Variants in TGFBR3 observed in about 807,000 individuals in gnomAD.
The protein encoded by TGFBR3 is transforming growth factor beta receptor 3.
Under a neutral mutation model 87.9 loss-of-function variants are expected in TGFBR3, and 46 were observed. The ratio of observed to expected loss-of-function variants is 0.52; its 90% CI spans 0.41 to 0.67. TGFBR3 has a LOEUF of 0.67. Ranked by LOEUF, TGFBR3 falls within the 30% of genes least tolerant of loss-of-function variation. TGFBR3 has a pLI of 0.00. For missense variants in TGFBR3, 866 were observed against 1,041.9 expected (o/e 0.83, Z 2.32); for synonymous variants, 381 against 391.6 (o/e 0.97, Z 0.32).
In TGFBR3 at chr1:91,722,045, T is replaced by C; in HGVS notation, c.985A>G (p.Lys329Glu). The change falls in exon 8 of 17, where the codon AAG (lysine) becomes GAG (glutamate). Residue 329 changes from lysine to glutamate, a missense_variant. By Grantham distance (56) the Lys-to-Glu change is moderately conservative. Coordinates refer to ENST00000212355, the MANE Select transcript of TGFBR3 (RefSeq NM_003243.5). ...DIPSTQGNLV[K>E]WALDNGYSPI... is the part of the protein sequence containing the mutation. Reference sequence around the variant, plus strand: ...CTATAGCCATTGTCCAAAGCCCACTTCACCAGATTCCCTTGGGTTGAAGGA... The same window carrying C: ...CTATAGCCATTGTCCAAAGCCCACTCCACCAGATTCCCTTGGGTTGAAGGA... 6.2e-7 allele frequency: 1 copy of C among 1,613,960 alleles called. No homozygotes were observed. Among genetic ancestry groups the C allele is most frequent in the Non-Finnish European group, 8.5e-7 (1 of 1,179,914 alleles).
chr1:91,773,204 C>T (rs946847264), intron 3 of TGFBR3, among the ~76,000 whole-genome samples: 9 of 151,308 alleles, frequency 5.9e-5, no homozygotes, highest in African/African-American at 1.9e-4. Flanking sequence ...CATAGTGAAA[C>T]TTTGTCTCTA....
At chr1:91,748,093 A>T (rs538878557) in intron 4 of TGFBR3, among the ~76,000 whole-genome samples, 2 of 152,312 alleles carry the variant, frequency 1.3e-5, no homozygotes, top group East Asian at 3.9e-4. Flanking sequence ...TTGGGAAAAA[A>T]AGTTCTAAAG....
chr1:91,880,381 C>T (rs995967120), intron 1 of TGFBR3, among the ~76,000 whole-genome samples: 2 of 152,042 alleles, frequency 1.3e-5, no homozygotes, highest in East Asian at 1.9e-4. Flanking sequence ...CGGCGGATCA[C>T]GAGGTCAGGA....
Position 91,787,943 on chromosome 1 carries a change from G to GAAAAAAAAAAAAA in TGFBR3, c.246+9331_246+9343dup, listed in dbSNP as rs111981257. ...ACAGAGCCAGACCCTGTCTCACGGG[G>GAAAAAAAAAAAAA]AAAAAAAAAAAAACCCCAAGAAGAA... is the stretch of plus-strand genomic sequence containing the variant. On this transcript the variant is annotated intron_variant, in intron 3 of 16. Transcript: ENST00000212355. Among the ~76,000 whole-genome samples the GAAAAAAAAAAAAA allele has an allele frequency of 1.4e-3, 189 of 133,266 alleles. 3 individuals carry two copies. Among genetic ancestry groups the GAAAAAAAAAAAAA allele is most frequent in the African/African-American group, 5.6e-3 (181 of 32,606 alleles). 87.4% of individuals were successfully genotyped at this position (133,266 alleles called of 152,430 possible). A position where few individuals can be genotyped will look rare whatever the true frequency, so the allele number is the denominator to read the frequency against.
At chr1:91,841,481 A>T (rs1677276332) in intron 2 of TGFBR3, among the ~76,000 whole-genome samples, 1 of 152,150 alleles carries the variant, frequency 6.6e-6, no homozygotes, top group Admixed American at 6.5e-5. Flanking sequence ...GAGCAGTGTT[A>T]ACCCAATCTT....
intron 4 of TGFBR3, among the ~76,000 whole-genome samples, chr1:91,748,751 A>G (rs1432033098): frequency 1.5e-5 from 2 of 135,070 alleles, no homozygotes; most frequent in South Asian, 2.4e-4. Context: ...TATTATTATT[A>G]TTGCTAACAT....
intron 1 of TGFBR3, among the ~76,000 whole-genome samples, chr1:91,875,193 G>T (rs748955995): frequency 1.3e-5 from 2 of 152,036 alleles, no homozygotes; most frequent in Non-Finnish European, 2.9e-5. Flanking sequence ...ACATTCTCAC[G>T]AGGCAGCAAG....
At chr1:91,685,904 T>TA (rs1334722998) in intron 16 of TGFBR3, among the ~76,000 whole-genome samples, 1 of 152,206 alleles carries the variant, frequency 6.6e-6, no homozygotes, top group Non-Finnish European at 1.5e-5. Flanking sequence ...TGTTGGTCCA[T>TA]ACCCAGCTGG....
intron 2 of TGFBR3, among the ~76,000 whole-genome samples, chr1:91,802,889 C>A (rs1018202081): frequency 1.3e-5 from 2 of 152,018 alleles, no homozygotes; most frequent in East Asian, 3.9e-4. Context: ...CTCTCCTCAC[C>A]CAATGGATTC....
intron 2 of TGFBR3, among the ~76,000 whole-genome samples, chr1:91,806,908 G>T (rs1016674029): frequency 6.6e-6 from 1 of 152,194 alleles, no homozygotes; most frequent in Non-Finnish European, 1.5e-5. Context: ...CCCATGGGAT[G>T]CAAGAATCTG....
At chr1:91,795,698 G>A (rs1164457530) in intron 3 of TGFBR3, among the ~76,000 whole-genome samples, 2 of 152,102 alleles carry the variant, frequency 1.3e-5, no homozygotes, top group African/African-American at 2.4e-5. Context: ...AGTCAGCAAC[G>A]CTTCATAGGA....
At chr1:91,857,397 G>A (rs774871433) in intron 2 of TGFBR3, among the ~76,000 whole-genome samples, 26 of 149,986 alleles carry the variant, frequency 1.7e-4, no homozygotes, top group South Asian at 4.2e-4. Context: ...GCCACATTCC[G>A]TGCTAGGCCA....
intron 4 of TGFBR3, among the ~76,000 whole-genome samples, chr1:91,741,726 CTATT>C (rs1468399394): frequency 6.6e-6 from 1 of 152,090 alleles, no homozygotes; most frequent in Non-Finnish European, 1.5e-5. Flanking sequence ...GAGGAGGAGA[CTATT>C]TATTCCATGC....
intron 3 of TGFBR3, among the ~76,000 whole-genome samples, chr1:91,780,861 C>G (rs559635182): frequency 2.0e-5 from 3 of 149,888 alleles, no homozygotes; most frequent in South Asian, 2.1e-4. Context: ...CCCGGCCTTC[C>G]TAAGGCTTTT....
chr1:91,755,586 C>G (rs1287350108), intron 4 of TGFBR3, among the ~76,000 whole-genome samples: 4 of 152,192 alleles, frequency 2.6e-5, no homozygotes, highest in African/African-American at 9.7e-5. Flanking sequence ...TCTGCAATCT[C>G]CTTACATGGG....
chr1:91,761,762 GAA>G (rs577417342), intron 3 of TGFBR3, among the ~76,000 whole-genome samples: 1 of 143,610 alleles, frequency 7.0e-6, no homozygotes, highest in African/African-American at 2.6e-5. Flanking sequence ...AGGCTTGGGG[GAA>G]AAAAAAAAAG....
At chr1:91,775,931 T>C (rs1024701457) in intron 3 of TGFBR3, among the ~76,000 whole-genome samples, 1 of 152,236 alleles carries the variant, frequency 6.6e-6, no homozygotes, top group African/African-American at 2.4e-5. Flanking sequence ...AATACTAACC[T>C]GTTTCCAAGC....
chr1:91,833,334 G>A (rs1358200434), intron 2 of TGFBR3, among the ~76,000 whole-genome samples: 4 of 133,220 alleles, frequency 3.0e-5, no homozygotes, highest in East Asian at 4.5e-4. Context: ...GGTAACCCAC[G>A]CCTGTAATAC....
intron 1 of TGFBR3, among the ~76,000 whole-genome samples, chr1:91,903,338 CAAAAAAA>C (rs58672104): frequency 2.8e-4 from 14 of 50,506 alleles, no homozygotes; most frequent in East Asian, 1.7e-3. Flanking sequence ...GATTCTGCCT[CAAAAAAA>C]AAAAAAAAAA....
Sources: allele counts gnomAD v4.1 joint callset (sites outside exome capture counted in the v4.1 genomes callset), GRCh38; gene constraint gnomAD v4.1.1; transcripts MANE v1.5; gene names NCBI Gene and HGNC (gene_info 2026-07-23, HGNC 2026-07-21).